USP15: variants seen among roughly 807,000 people sequenced by gnomAD.
The protein encoded by USP15 is ubiquitin carboxyl-terminal hydrolase 15.
In USP15, 18 loss-of-function variants were observed where a neutral mutation model predicts 127.1. That is an observed-to-expected ratio of 0.14 (90% confidence interval 0.10 to 0.21). The LOEUF (loss-of-function observed/expected upper bound fraction) is 0.21, where lower values mean the gene tolerates loss of function less well. Among genes scored for constraint, USP15 ranks in the 10% least tolerant of loss-of-function variants. The probability of loss-of-function intolerance (pLI) is 1.00; values close to 1 mark genes in which losing one functional copy is unlikely to be tolerated. For synonymous variants in USP15, 364 were observed against 393.7 expected, an observed-to-expected ratio of 0.92 and a Z score of 0.89; for missense variants, 805 against 1,159.9, an observed-to-expected ratio of 0.69 and a Z score of 4.44.
chr12:62,389,031 C>T (rs2067243078), intron 11 of USP15, among the ~76,000 whole-genome samples: 1 of 151,974 alleles, frequency 6.6e-6, no homozygotes, highest in African/African-American at 2.4e-5. Context: ...AGGCTGAATT[C>T]GGAAGATGGC....
chr12:62,272,400 G>A (rs1486600641), intron 1 of USP15, among the ~76,000 whole-genome samples: 1 of 151,854 alleles, frequency 6.6e-6, no homozygotes, highest in African/African-American at 2.4e-5. Flanking sequence ...TTAATATTAG[G>A]CAATTAAGCA....
intron 6 of USP15, among the ~76,000 whole-genome samples, chr12:62,346,379 C>G (rs2065818611): frequency 6.6e-6 from 1 of 152,144 alleles, no homozygotes; most frequent in Non-Finnish European, 1.5e-5. Context: ...TCCACCATTG[C>G]TTTTGCACTA....
intron 11 of USP15, among the ~76,000 whole-genome samples, chr12:62,386,387 T>C (rs1454754471): frequency 6.6e-6 from 1 of 152,026 alleles, no homozygotes; most frequent in Non-Finnish European, 1.5e-5. Flanking sequence ...GCTCTTATGC[T>C]GTGCAAGGTG....
chr12:62,302,520 C>T (rs1176887760), intron 2 of USP15, among the ~76,000 whole-genome samples: 1 of 152,106 alleles, frequency 6.6e-6, no homozygotes, highest in African/African-American at 2.4e-5. Context: ...GCTTTGAATA[C>T]AGCCAAACAC....
intron 1 of USP15, among the ~76,000 whole-genome samples, chr12:62,271,159 G>A (rs2063337707): frequency 1.3e-5 from 2 of 151,872 alleles, no homozygotes; most frequent in South Asian, 4.1e-4. Flanking sequence ...AAAATGACCT[G>A]GCATCCTAAA....
At chr12:62,392,041 G>T (rs1211742601) in intron 17 of USP15, among the ~76,000 whole-genome samples, 155 bp downstream of exon 17, 1 of 151,580 alleles carries the variant, frequency 6.6e-6, no homozygotes, top group African/African-American at 2.4e-5. Flanking sequence ...AAAAGTCTTT[G>T]CAAAAATACC....
At chr12:62,369,260 A>G (rs890065335) in intron 8 of USP15, among the ~76,000 whole-genome samples, 1 of 152,238 alleles carries the variant, frequency 6.6e-6, no homozygotes, top group African/African-American at 2.4e-5. Context: ...ATTAGAGCAC[A>G]TTACTGTCCA....
intron 6 of USP15, among the ~76,000 whole-genome samples, chr12:62,326,632 T>C (rs1247628438): frequency 1.3e-5 from 2 of 152,188 alleles, no homozygotes; most frequent in African/African-American, 4.8e-5. Context: ...ATAAATAGCA[T>C]TATATCAGTT....
At chr12:62,304,930 T>A (rs752779969) in intron 3 of USP15, 30 of 236,090 alleles carry the variant, frequency 1.3e-4, no homozygotes, top group Middle Eastern at 1.7e-3. Context: ...ATGGATTTAA[T>A]GTTTGGGAAT....
In USP15 at chr12:62,412,553, C is replaced by T. The variant is rs1319208909; in HGVS notation, c.*8178C>T. ...ACTAAGTTTATGGAATATTCTAAAT[C>T]CTTTGTTGTCTTTTCAACAATGTTC... On this transcript the variant is annotated 3_prime_UTR_variant, in exon 22 of 22. Coordinates refer to ENST00000280377, the MANE Select transcript of USP15 (RefSeq NM_001252078.2). The T allele has an allele frequency of 6.1e-6, 1 of 163,984 alleles. No homozygotes were observed. The highest frequency in any genetic ancestry group is 1.8e-4 in the East Asian group (1 of 5,712). 10.2% of individuals were successfully genotyped at this position (163,984 alleles called of 1,614,324 possible).
chr12:62,347,771 G>A (rs2065862701), intron 6 of USP15, among the ~76,000 whole-genome samples: 1 of 152,052 alleles, frequency 6.6e-6, no homozygotes, highest in Admixed American at 6.6e-5. Flanking sequence ...TTGTTAAAGG[G>A]ACTTCTATCA....
intron 8 of USP15, among the ~76,000 whole-genome samples, chr12:62,374,894 T>G (rs181695086): frequency 6.6e-6 from 1 of 151,944 alleles, no homozygotes; most frequent in Admixed American, 6.6e-5. Context: ...CAAAAGAAAA[T>G]CATATTTTGC....
chr12:62,325,463 TGTAA>T (rs998734476), intron 5 of USP15, among the ~76,000 whole-genome samples: 1 of 152,104 alleles, frequency 6.6e-6, no homozygotes, highest in African/African-American at 2.4e-5. Flanking sequence ...CAAGATCCTA[TGTAA>T]GTATGTTTAA....
intron 6 of USP15, among the ~76,000 whole-genome samples, chr12:62,330,602 A>G (rs1404311404): frequency 6.6e-6 from 1 of 150,758 alleles, no homozygotes; most frequent in Non-Finnish European, 1.5e-5. Context: ...AAAAAAAAAA[A>G]TAGAATGCCT....
At chr12:62,269,043 A>T (rs899178065) in intron 1 of USP15, among the ~76,000 whole-genome samples, 1 of 152,088 alleles carries the variant, frequency 6.6e-6, no homozygotes, top group African/African-American at 2.4e-5. Context: ...CTTAGCATAC[A>T]TGTTTTCTAG....
intron 5 of USP15, among the ~76,000 whole-genome samples, chr12:62,322,997 T>C (rs2065027604): frequency 6.6e-6 from 1 of 152,156 alleles, no homozygotes; most frequent in Non-Finnish European, 1.5e-5. Context: ...ATCCATATAA[T>C]AAAATTAACC....
rs903814257 is a variant in USP15 at position 62,411,884 on chromosome 12, C to T, written c.*7509C>T. The T allele has an allele frequency of 6.6e-6, 1 of 152,064 alleles. No homozygotes were observed. The allele number at this position is 152,064 out of a possible 1,614,324, so 9.4% of individuals were successfully genotyped here. A position where few individuals can be genotyped will look rare whatever the true frequency, so the allele number is the denominator to read the frequency against. On this transcript the variant is annotated 3_prime_UTR_variant, in exon 22 of 22. Coordinates refer to ENST00000280377, the MANE Select transcript of USP15 (RefSeq NM_001252078.2). The stretch of plus-strand genomic sequence containing the variant: ...CTGAGGCATCTCTTTTTTATAAGGG[C>T]ACTAATCCCGTCATGAAGCCCTCAC...
intron 11 of USP15, among the ~76,000 whole-genome samples, chr12:62,386,547 G>T (rs1208426099): frequency 6.6e-6 from 1 of 151,928 alleles, no homozygotes; most frequent in Admixed American, 6.6e-5. Flanking sequence ...GGACAATTAG[G>T]TTATAAGCAG....
intron 1 of USP15, among the ~76,000 whole-genome samples, chr12:62,288,235 A>T (rs1392120445): frequency 6.6e-6 from 1 of 151,150 alleles, no homozygotes; most frequent in Non-Finnish European, 1.5e-5. Flanking sequence ...TCAGCATGGG[A>T]TGTTGTTCCA....
Sources: gnomAD v4.1 joint callset for allele counts (sites outside exome capture counted in the v4.1 genomes callset) on GRCh38, gnomAD v4.1.1 for gene constraint, MANE v1.5 for transcripts, NCBI Gene and HGNC (gene_info 2026-07-23, HGNC 2026-07-21) for gene names.